The following PABPC4L variants were observed in gnomAD, a reference collection of about 807,000 sequenced individuals.
The protein encoded by PABPC4L is polyadenylate-binding protein 4-like.
For missense variants in PABPC4L, 452 were observed against 451.4 expected (o/e 1.00, Z -0.01); for synonymous variants, 169 against 164.1 (o/e 1.03, Z -0.23).
At chr4:134,107,023 C>A in the PABPC4L span, among the ~76,000 whole-genome samples, 3 of 151,402 alleles carry the variant, frequency 2.0e-5, no homozygotes, top group Non-Finnish European at 4.4e-5. Flanking sequence ...AGCGAGGAAT[C>A]TATCATTTAA....
chr4:134,049,222 A>G, the PABPC4L span, among the ~76,000 whole-genome samples: 1 of 152,104 alleles, frequency 6.6e-6, no homozygotes, highest in African/African-American at 2.4e-5. Context: ...ATACTGAACT[A>G]AAGCCATTAT....
chr4:134,148,519 C>T, the PABPC4L span, among the ~76,000 whole-genome samples: 19 of 152,186 alleles, frequency 1.2e-4, no homozygotes, highest in East Asian at 2.5e-3. Flanking sequence ...GTCAGCAGTT[C>T]GGCTAGTCCA....
At chr4:133,961,047 C>T in the PABPC4L span, among the ~76,000 whole-genome samples, 1 of 152,104 alleles carries the variant, frequency 6.6e-6, no homozygotes, top group Non-Finnish European at 1.5e-5. Context: ...TGGTTGCTCT[C>T]CTTACTACCA....
chr4:134,183,912 G>T, the PABPC4L span, among the ~76,000 whole-genome samples: 1 of 151,410 alleles, frequency 6.6e-6, no homozygotes, highest in African/African-American at 2.4e-5. Context: ...CTAAAAGATT[G>T]TGTGTGTGCG....
the PABPC4L span, among the ~76,000 whole-genome samples, chr4:134,096,149 T>G: frequency 6.6e-6 from 1 of 151,998 alleles, no homozygotes; most frequent in East Asian, 1.9e-4. Flanking sequence ...ATAGGTGTGG[T>G]ACTCATTTTT....
chr4:133,952,754 G>A, the PABPC4L span, among the ~76,000 whole-genome samples: 1 of 151,794 alleles, frequency 6.6e-6, no homozygotes, highest in Non-Finnish European at 1.5e-5. Flanking sequence ...ACTTTTATTT[G>A]CCCCTCCTCT....
chr4:134,012,652 T>C, the PABPC4L span, among the ~76,000 whole-genome samples: 2 of 152,172 alleles, frequency 1.3e-5, no homozygotes, highest in Non-Finnish European at 2.9e-5. Context: ...TCGGGGGACC[T>C]CCCTTGGGAG....
the PABPC4L span, among the ~76,000 whole-genome samples, chr4:134,008,683 T>A: frequency 6.6e-6 from 1 of 151,910 alleles, no homozygotes; most frequent in South Asian, 2.1e-4. Context: ...AATTGGTACT[T>A]AGGAAAATTA....
the PABPC4L span, among the ~76,000 whole-genome samples, chr4:134,092,573 G>A: frequency 2.1e-3 from 320 of 152,110 alleles, 2 homozygotes; most frequent in African/African-American, 7.5e-3. Flanking sequence ...AGCCATCTAT[G>A]GACTGCCACT....
the PABPC4L span, among the ~76,000 whole-genome samples, chr4:134,165,056 G>T: frequency 6.6e-6 from 1 of 152,138 alleles, no homozygotes; most frequent in Non-Finnish European, 1.5e-5. Context: ...AATAAATGGT[G>T]CCAGGAAAAC....
At chr4:134,181,629 C>A in the PABPC4L span, among the ~76,000 whole-genome samples, 7 of 152,010 alleles carry the variant, frequency 4.6e-5, no homozygotes, top group Non-Finnish European at 1.5e-5. Flanking sequence ...ACACCATAGT[C>A]TCTGCCCCAA....
chr4:134,067,428 A>G, the PABPC4L span, among the ~76,000 whole-genome samples: 1 of 151,712 alleles, frequency 6.6e-6, no homozygotes, highest in Admixed American at 6.6e-5. Flanking sequence ...TTTTTTCTTT[A>G]TTAGACTAGC....
At chr4:134,142,928 C>T in the PABPC4L span, among the ~76,000 whole-genome samples, 5 of 151,650 alleles carry the variant, frequency 3.3e-5, no homozygotes, top group Admixed American at 6.6e-5. Flanking sequence ...CTATTATCTC[C>T]GTCCTTGTGG....
chr4:133,961,954 G>A, the PABPC4L span, among the ~76,000 whole-genome samples: 1 of 152,136 alleles, frequency 6.6e-6, no homozygotes, highest in South Asian at 2.1e-4. Context: ...AATCCATGAG[G>A]CCAAGAACCC....
the PABPC4L span, among the ~76,000 whole-genome samples, chr4:134,079,612 CTG>C: frequency 2.2e-5 from 2 of 92,062 alleles, no homozygotes; most frequent in East Asian, 5.1e-4. Flanking sequence ...AAAAAAAAAA[CTG>C]TGCATCTTTT....
At chr4:134,104,702 C>T in the PABPC4L span, among the ~76,000 whole-genome samples, 4 of 151,738 alleles carry the variant, frequency 2.6e-5, no homozygotes, top group South Asian at 6.2e-4. Flanking sequence ...TTATCCTTTT[C>T]TCAGGTCAGC....
the PABPC4L span, among the ~76,000 whole-genome samples, chr4:134,059,333 GA>G: frequency 8.9e-5 from 11 of 123,646 alleles, no homozygotes; most frequent in African/African-American, 1.5e-4. Flanking sequence ...AAGGATGAAA[GA>G]AAAAAAAAGA....
At chr4:134,166,485 C>T in the PABPC4L span, among the ~76,000 whole-genome samples, 1 of 152,138 alleles carries the variant, frequency 6.6e-6, no homozygotes, top group Non-Finnish European at 1.5e-5. Context: ...ATCTTACTGA[C>T]CTGGCTCTGT....
At chr4:134,084,742 GT>G in the PABPC4L span, among the ~76,000 whole-genome samples, 103 of 152,144 alleles carry the variant, frequency 6.8e-4, 1 homozygote, top group Middle Eastern at 0.01. Flanking sequence ...TTAATATCCT[GT>G]CTTTTCAACA....
Sources: gnomAD v4.1 joint callset for allele counts (sites outside exome capture counted in the v4.1 genomes callset) on GRCh38, gnomAD v4.1.1 for gene constraint, MANE v1.5 for transcripts, NCBI Gene and HGNC (gene_info 2026-07-23, HGNC 2026-07-21) for gene names.